Variants in CRELD1 observed in about 807,000 individuals in gnomAD.
The protein encoded by CRELD1 is CRELD disulfide isomerase 1.
Under a neutral mutation model 58.2 loss-of-function variants are expected in CRELD1, and 42 were observed. The observed-to-expected ratio is 0.72, with a 90% CI of 0.56 to 0.93. The LOEUF is 0.93. CRELD1 is among the 40% of genes least tolerant of loss of function. CRELD1 has a pLI of 0.00. For missense variants in CRELD1, 500 were observed against 540.6 expected (o/e 0.92, Z 0.74); for synonymous variants, 222 against 202.0 (o/e 1.10, Z -0.84).
Position 9,941,115 on chromosome 3 carries a change from T to C in CRELD1, c.642T>C (p.Cys214=). The part of the protein sequence containing the change: ...RNASHLVCSA[C]FGPCARCSGP... Reference sequence around the variant, plus strand: ...TGCTGCCCCCATTCCACCCAGCTTGTTTTGGCCCCTGTGCCCGATGCTCAG... The same window carrying C: ...TGCTGCCCCCATTCCACCCAGCTTGCTTTGGCCCCTGTGCCCGATGCTCAG... The change falls in exon 7 of 11, where the codon TGT becomes TGC. Residue 214 remains cysteine (C), a synonymous_variant. Transcript: ENST00000452070. 2 of 1,614,162 alleles carry C rather than the reference T, an allele frequency of 1.2e-6. No homozygotes were observed. Among genetic ancestry groups the C allele is most frequent in the Middle Eastern group, 1.7e-4 (1 of 6,060 alleles).
chr3:9,944,205 C>G (rs1024020494), intron 10 of CRELD1, 160 bp from the exon 11 acceptor site: 1 of 801,124 alleles, frequency 1.2e-6, no homozygotes, highest in Non-Finnish European at 2.3e-6. Context: ...ATGGTAACTG[C>G]CCCTTGCAGG....
At chr3:9,939,679 CAGA>C (rs1277875047) in intron 5 of CRELD1, among the ~76,000 whole-genome samples, 1 of 152,262 alleles carries the variant, frequency 6.6e-6, no homozygotes, top group African/African-American at 2.4e-5. Flanking sequence ...GATCCCAAGG[CAGA>C]AGAATTTTTC....
intron 9 of CRELD1, 46 bp from the exon 10 acceptor site, chr3:9,943,335 T>C (rs780956328): frequency 1.2e-6 from 2 of 1,613,382 alleles, no homozygotes; most frequent in Non-Finnish European, 1.7e-6. Context: ...GTCAGGGTGC[T>C]GGGTGGGGGG....
At position 9,934,414 on chromosome 3, in the gene CRELD1, C is replaced by T. The variant is rs778889521; in HGVS notation, c.-19-6C>T. ...AGTGAAGCCTCTCCACGCCCTCTATCTGCAGGTCCCCAGCCTGGGTAAAGA... is the reference window on the plus strand; with the variant it reads ...AGTGAAGCCTCTCCACGCCCTCTATTTGCAGGTCCCCAGCCTGGGTAAAGA... On this transcript the variant is annotated splice_region_variant and splice_polypyrimidine_tract_variant and intron_variant, in intron 1 of 10. Transcript: ENST00000452070. 5.0e-6 allele frequency: 8 copies of T among 1,609,988 alleles called. No individual in the cohort carries two copies. In the Middle Eastern group the frequency reaches 5.0e-4, roughly 100 times the overall value.
chr3:9,944,318 A>C (rs370488917), intron 10 of CRELD1, 47 bp from the exon 11 acceptor site: 2 of 1,532,614 alleles, frequency 1.3e-6, no homozygotes, highest in Non-Finnish European at 1.8e-6. Context: ...AAGAACTACC[A>C]GGAACAGGGA....
chr3:9,943,141 T>TG lies in CRELD1; in HGVS notation c.884dup (p.Tyr296LeufsTer13). The TG allele has an allele frequency of 1.2e-6, 2 of 1,613,418 alleles. No homozygotes were observed. Among genetic ancestry groups the TG allele is most frequent in the Non-Finnish European group, 1.7e-6 (2 of 1,179,930 alleles). ...CAGGTCGCTGTAAGAAGTGTAGCCC[T>TG]GGCTATCAGCAGGTGGGCTCCAAGT... On this transcript the variant is annotated frameshift_variant, in exon 9 of 11. Transcript: ENST00000452070. LOFTEE classifies it high-confidence loss of function.
chr3:9,934,482 G>C lies in CRELD1; in HGVS notation c.44G>C (p.Trp15Ser). ...PPKGLVPAML[W>S]GLSLFLNLPG... is the part of the protein sequence containing the mutation. Reference sequence around the variant, plus strand: ...AAGGGCCTAGTCCCAGCTATGCTCTGGGGCCTCAGCCTCTTCCTCAACCTC... The same window carrying C: ...AAGGGCCTAGTCCCAGCTATGCTCTCGGGCCTCAGCCTCTTCCTCAACCTC... Residue 15 changes from tryptophan (W) to serine (S), a missense_variant, in exon 2 of 11, where the codon TGG (tryptophan) becomes TCG (serine). By Grantham distance (177) the Trp-to-Ser change is radical (BLOSUM62 -3). Transcript: ENST00000452070. 1.2e-6 allele frequency: 2 copies of C among 1,613,712 alleles called. No individual in the cohort carries two copies. The highest frequency in any genetic ancestry group is 1.7e-6 in the Non-Finnish European group (2 of 1,179,740).
In CRELD1 at chr3:9,943,146, AT is replaced by A; in HGVS notation, c.888del (p.Gln297SerfsTer48). The A allele has an allele frequency of 1.2e-6, 2 of 1,613,212 alleles. No homozygotes were observed. The highest frequency in any genetic ancestry group is 1.7e-6 in the Non-Finnish European group (2 of 1,179,920). The part of the protein sequence containing the change: ...PGRCKKCSPG[Y>X]QQVGSKCLDV... ...CGCTGTAAGAAGTGTAGCCCTGGCT[AT>A]CAGCAGGTGGGCTCCAAGTGTCTCG... On this transcript the variant is annotated frameshift_variant, in exon 9 of 11. Transcript: ENST00000452070. LOFTEE classifies it high-confidence loss of function.
Position 9,944,732 on chromosome 3 carries a change from C to T in CRELD1, c.*153C>T, listed in dbSNP as rs1053756135. On this transcript the variant is annotated 3_prime_UTR_variant, in exon 11 of 11. Coordinates refer to ENST00000452070, the MANE Select transcript of CRELD1 (RefSeq NM_001077415.3). ...ACAGAGCAGCCCAGGTACCCAGGCC[C>T]GGGCAGACAAGGCCCCTGGGGTAAA... 3.9e-5 allele frequency: 29 copies of T among 745,982 alleles called. No individual in the cohort carries two copies. The highest frequency in any genetic ancestry group is 1.4e-4 in the South Asian group (9 of 63,820). 46.2% of individuals were successfully genotyped at this position (745,982 alleles called of 1,614,324 possible).
At chr3:9,944,241 T>C in intron 10 of CRELD1, 124 bp from the exon 11 acceptor site, 1 of 897,752 alleles carries the variant, frequency 1.1e-6, no homozygotes, top group Non-Finnish European at 1.9e-6. Context: ...AAATGTAGTG[T>C]GCCTGGCTTG....
In CRELD1 at chr3:9,938,061, C is replaced by T; in HGVS notation, c.415C>T (p.Leu139=). ...CTTCCAGTGGCTGTGCTCAGATTCC[C>T]TGAAGCTCTGCTGCCCCGCAGGCAC... ...DLFQWLCSDS[L]KLCCPAGTFG... Residue 139 remains leucine, a synonymous_variant, in exon 5 of 11, where the codon CTG becomes TTG. Transcript: ENST00000452070. 6.2e-7 allele frequency: 1 copy of T among 1,614,066 alleles called. No individual in the cohort carries two copies. Among genetic ancestry groups the T allele is most frequent in the East Asian group, 2.2e-5 (1 of 44,874 alleles).
chr3:9,934,226 CTT>C (rs965672279), intron 1 of CRELD1, 192 bp from the exon 2 acceptor site: 8 of 595,098 alleles, frequency 1.3e-5, no homozygotes, highest in South Asian at 3.9e-5. Flanking sequence ...GCGAGGATAA[CTT>C]ATTTCTCTTC....
In CRELD1 at chr3:9,936,441, C is replaced by T. The variant is rs142462395; in HGVS notation, c.258-1121C>T. 8.3e-3 allele frequency among the ~76,000 whole-genome samples: 1,262 copies of T among 151,504 alleles called. 23 individuals are homozygous for T. Among genetic ancestry groups the T allele is most frequent in the African/African-American group, 0.029 (1,191 of 41,214 alleles). On this transcript the variant is annotated intron_variant, in intron 3 of 10. Transcript: ENST00000452070. ...GACCCTTTAAATACAGGATATAAGA[C>T]ATCAAATATTTATATATGTGTGTAT...
chr3:9,939,813 T>C (rs1489712842), intron 5 of CRELD1, among the ~76,000 whole-genome samples: 3 of 152,296 alleles, frequency 2.0e-5, no homozygotes, highest in Admixed American at 2.0e-4. Flanking sequence ...AAAACCGCCA[T>C]TGTCATCCTG....
Position 9,940,833 on chromosome 3 carries a change from T to C in CRELD1, c.461-17T>C. 1 of 1,592,990 alleles carries C rather than the reference T, an allele frequency of 6.3e-7. No individual in the cohort carries two copies. Among genetic ancestry groups the C allele is most frequent in the Non-Finnish European group, 8.6e-7 (1 of 1,168,058 alleles). On this transcript the variant is annotated splice_polypyrimidine_tract_variant and intron_variant, in intron 5 of 10. Transcript: ENST00000452070. ...GGTTGTATAGATGACCTCACCTGGT[T>C]TGGTGTCTTCCCACAGCCTGTCCTG...
intron 9 of CRELD1, 62 bp from the exon 10 acceptor site, chr3:9,943,319 G>A: frequency 9.3e-6 from 15 of 1,613,008 alleles, no homozygotes; most frequent in Non-Finnish European, 1.2e-5. Flanking sequence ...AGATGGACAA[G>A]ATGGAGTCAG....
chr3:9,939,950 C>A (rs948278349), intron 5 of CRELD1, among the ~76,000 whole-genome samples: 1 of 151,316 alleles, frequency 6.6e-6, no homozygotes, highest in Non-Finnish European at 1.5e-5. Context: ...GGGCGGCTGG[C>A]CGGGCGGGGG....
At chr3:9,940,539 G>A (rs942396116) in intron 5 of CRELD1, among the ~76,000 whole-genome samples, 3 of 151,842 alleles carry the variant, frequency 2.0e-5, no homozygotes, top group African/African-American at 7.3e-5. Context: ...GTGGTGGCGC[G>A]CGCCTGCAAT....
intron 7 of CRELD1, among the ~76,000 whole-genome samples, chr3:9,942,561 G>A (rs1361216934): frequency 1.3e-5 from 2 of 152,212 alleles, no homozygotes; most frequent in Non-Finnish European, 2.9e-5. Flanking sequence ...TAACGGTGGA[G>A]CTCATCACTC....
Sources: allele counts gnomAD v4.1 joint callset (sites outside exome capture counted in the v4.1 genomes callset), GRCh38; gene constraint gnomAD v4.1.1; transcripts MANE v1.5; gene names NCBI Gene and HGNC (gene_info 2026-07-23, HGNC 2026-07-21).